GCNT1: variants seen among roughly 807,000 people sequenced by gnomAD.
GCNT1 encodes beta-1,3-galactosyl-O-glycosyl-glycoprotein beta-1,6-N-acetylglucosaminyltransferase.
In GCNT1, 16 loss-of-function variants were observed where a neutral mutation model predicts 26.2. The ratio of observed to expected loss-of-function variants is 0.61; its 90% CI spans 0.41 to 0.93. GCNT1 has a LOEUF of 0.93. GCNT1 is among the 40% of genes least tolerant of loss of function. The pLI is 0.00. For synonymous variants in GCNT1, 183 were observed against 190.8 expected, an observed-to-expected ratio of 0.96 and a Z score of 0.34; for missense variants, 477 against 526.7, an observed-to-expected ratio of 0.91 and a Z score of 0.92.
At position 76,503,165 on chromosome 9, in the gene GCNT1, G is replaced by A. The variant is rs376503627; in HGVS notation, c.784G>A (p.Val262Ile). ...EERWKKRYEVVNGKLTNTGTV... is the reference protein window; with the variant it reads ...EERWKKRYEVINGKLTNTGTV... ...AAGGTGGAAGAAGCGGTATGAGGTC[G>A]TTAATGGAAAGCTGACAAACACAGG... Residue 262 changes from valine to isoleucine, a missense_variant, in exon 4 of 4, where the codon GTT becomes ATT. Coordinates refer to ENST00000376730, the MANE Select transcript of GCNT1 (RefSeq NM_001490.5). 6.1e-5 allele frequency: 98 copies of A among 1,614,156 alleles called. No individual in the cohort carries two copies. The highest frequency in any genetic ancestry group is 3.8e-4 in the East Asian group (17 of 44,880).
In GCNT1 at chr9:76,497,772, A is replaced by AC. The variant is rs796259754; in HGVS notation, c.-289-3141dup. 1.9e-3 allele frequency among the ~76,000 whole-genome samples: 282 copies of AC among 151,878 alleles called. 1 individual carries two copies. Among genetic ancestry groups the AC allele is most frequent in the African/African-American group, 6.1e-3 (254 of 41,452 alleles). ...CTTCTCCTGTTTAAAACAAAAAAAA[A>AC]CCCAAGACTCAGCGGTGTCACAATT... On this transcript the variant is annotated intron_variant, in intron 2 of 3. Coordinates refer to ENST00000376730, the MANE Select transcript of GCNT1 (RefSeq NM_001490.5).
At chr9:76,399,196 G>A in the GCNT1 span, 1 of 1,483,174 alleles carries the variant, frequency 6.7e-7, no homozygotes, top group Non-Finnish European at 9.3e-7. Context: ...GCAACAACAA[G>A]GGAGCTCACT....
chr9:76,463,786 C>G (rs991416625), intron 2 of GCNT1, among the ~76,000 whole-genome samples: 2 of 152,152 alleles, frequency 1.3e-5, no homozygotes, highest in African/African-American at 4.8e-5. Flanking sequence ...CTATCACAAT[C>G]TTAAGTGGTA....
At chr9:76,396,469 GAAAGA>G in the GCNT1 span, among the ~76,000 whole-genome samples, 46 of 147,786 alleles carry the variant, frequency 3.1e-4, no homozygotes, top group East Asian at 6.3e-3. Context: ...AGAGAAAAAA[GAAAGA>G]AAAGAAAAGA....
chr9:76,443,240 A>G (rs1823508629), intron 1 of GCNT1, among the ~76,000 whole-genome samples: 1 of 152,190 alleles, frequency 6.6e-6, no homozygotes, highest in Non-Finnish European at 1.5e-5. Flanking sequence ...GTGGTGCTAG[A>G]GGAATTAAAG....
the GCNT1 span, among the ~76,000 whole-genome samples, chr9:76,406,496 C>T: frequency 3.2e-5 from 2 of 62,466 alleles, no homozygotes; most frequent in Non-Finnish European, 6.7e-5. Flanking sequence ...GACCCTGTCT[C>T]AAAAAAAAAA....
chr9:76,491,435 C>G (rs1824734519), intron 2 of GCNT1, among the ~76,000 whole-genome samples: 1 of 152,206 alleles, frequency 6.6e-6, no homozygotes, highest in Non-Finnish European at 1.5e-5. Context: ...GTTAGGAACT[C>G]CCTTTCTTTC....
At chr9:76,462,573 G>GAACA (rs1823897040) in intron 2 of GCNT1, among the ~76,000 whole-genome samples, 1 of 152,166 alleles carries the variant, frequency 6.6e-6, no homozygotes, top group African/African-American at 2.4e-5. Context: ...ATAGGCAAAT[G>GAACA]TTCCCCGGAG....
At chr9:76,490,491 T>G (rs1824702785) in intron 2 of GCNT1, among the ~76,000 whole-genome samples, 1 of 152,230 alleles carries the variant, frequency 6.6e-6, no homozygotes, top group South Asian at 2.1e-4. Context: ...ACTTGAGCTT[T>G]GAGGGGCACT....
intron 1 of GCNT1, among the ~76,000 whole-genome samples, chr9:76,435,406 A>T (rs1823394783): frequency 6.6e-6 from 1 of 152,206 alleles, no homozygotes; most frequent in South Asian, 2.1e-4. Flanking sequence ...TCCCAAATTC[A>T]GCCTCAAGAA....
chr9:76,454,030 G>A (rs541846194), intron 1 of GCNT1, among the ~76,000 whole-genome samples: 2 of 152,160 alleles, frequency 1.3e-5, no homozygotes, highest in Non-Finnish European at 2.9e-5. Context: ...GCAAGCTTTT[G>A]AAAGGTCAGG....
intron 2 of GCNT1, among the ~76,000 whole-genome samples, chr9:76,462,458 G>A (rs1422732927): frequency 6.6e-6 from 1 of 152,086 alleles, no homozygotes; most frequent in African/African-American, 2.4e-5. Flanking sequence ...TCTGTTGTGG[G>A]GGCTGTCCTG....
At chr9:76,429,715 CTTTT>C (rs59977325) in intron 1 of GCNT1, among the ~76,000 whole-genome samples, 2 of 107,102 alleles carry the variant, frequency 1.9e-5, no homozygotes, top group Non-Finnish European at 1.9e-5. Flanking sequence ...TGTTTTCTTT[CTTTT>C]TTTTTTTTTT....
the GCNT1 span, among the ~76,000 whole-genome samples, chr9:76,411,246 CA>C: frequency 6.6e-6 from 1 of 152,020 alleles, no homozygotes; most frequent in Non-Finnish European, 1.5e-5. Context: ...CTTTTCTATT[CA>C]TTGTCTTTAT....
At chr9:76,492,699 C>T (rs1305181952) in intron 2 of GCNT1, among the ~76,000 whole-genome samples, 1 of 151,190 alleles carries the variant, frequency 6.6e-6, no homozygotes, top group Non-Finnish European at 1.5e-5. Context: ...GCTTGTTTCT[C>T]GTTGGACAAT....
chr9:76,486,122 A>G (rs1254331249), intron 2 of GCNT1, among the ~76,000 whole-genome samples: 1 of 152,246 alleles, frequency 6.6e-6, no homozygotes, highest in African/African-American at 2.4e-5. Flanking sequence ...CTTACTAGCC[A>G]TATGACGTTC....
chr9:76,421,425 C>A (rs932533021), intron 1 of GCNT1, among the ~76,000 whole-genome samples: 9 of 151,602 alleles, frequency 5.9e-5, no homozygotes, highest in African/African-American at 1.9e-4. Context: ...CATTGTAAAA[C>A]CCCATCTCTA....
In GCNT1 at chr9:76,503,035, T is replaced by C; in HGVS notation, c.654T>C (p.Gly218=). The C allele has an allele frequency of 6.2e-7, 1 of 1,614,032 alleles. No homozygotes were observed. Among genetic ancestry groups the C allele is most frequent in the Non-Finnish European group, 8.5e-7 (1 of 1,180,024 alleles). ...GGAAGTACTTGATAAATCTTTGTGG[T>C]ATGGATTTTCCCATTAAAACCAACC... The part of the protein sequence containing the change: ...ANWKYLINLC[G]MDFPIKTNLE... The change falls in exon 4 of 4, where the codon GGT becomes GGC. Residue 218 remains glycine, a synonymous_variant. Transcript: ENST00000376730.
At chr9:76,498,877 G>A (rs1587457064) in intron 2 of GCNT1, among the ~76,000 whole-genome samples, 2 of 151,946 alleles carry the variant, frequency 1.3e-5, no homozygotes, top group South Asian at 4.2e-4. Context: ...AAATCAGATG[G>A]GAAGAGAGTT....
Sources: gnomAD v4.1 joint callset for allele counts (sites outside exome capture counted in the v4.1 genomes callset) on GRCh38, gnomAD v4.1.1 for gene constraint, MANE v1.5 for transcripts, NCBI Gene and HGNC (gene_info 2026-07-23, HGNC 2026-07-21) for gene names.